The following CUL5 variants were observed in gnomAD, a reference collection of about 807,000 sequenced individuals.
The protein encoded by CUL5 is cullin 5, also known as cullin-5.
CUL5 carries 26 observed loss-of-function variants against 108.8 expected under a neutral mutation model. That is an observed-to-expected ratio of 0.24 (90% CI 0.18 to 0.33). CUL5 has a LOEUF of 0.33. CUL5 is among the 10% of genes least tolerant of loss of function. The probability of loss-of-function intolerance (pLI) is 1.00; values close to 1 mark genes in which losing one functional copy is unlikely to be tolerated. For missense variants in CUL5, 524 were observed against 909.2 expected (o/e 0.58, Z 5.45); for synonymous variants, 334 against 298.0 (o/e 1.12, Z -1.25).
intron 7 of CUL5, among the ~76,000 whole-genome samples, chr11:108,063,141 G>A (rs568386086): frequency 2.6e-4 from 40 of 152,080 alleles, no homozygotes; most frequent in African/African-American, 8.7e-4. Flanking sequence ...CACTGCACCC[G>A]ACTATTCATT....
intron 7 of CUL5, 30 bp from the exon 8 acceptor site, chr11:108,070,066 T>A (rs1863782722): frequency 2.1e-6 from 3 of 1,446,112 alleles, no homozygotes; most frequent in Admixed American, 1.7e-5. Flanking sequence ...CAGCTTATAG[T>A]AGCCTTGACT....
intron 11 of CUL5, among the ~76,000 whole-genome samples, chr11:108,080,681 A>G (rs944361496): frequency 1.3e-5 from 2 of 152,126 alleles, no homozygotes; most frequent in African/African-American, 4.8e-5. Flanking sequence ...GGCATGAGCC[A>G]CCATGCCTGG....
rs181414469 is a variant in CUL5 at position 108,055,559 on chromosome 11, C to T, written c.780+604C>T. ...TCCTGGGCATAAGGGCCCCTCCTGC[C>T]TCAGCCTCCTAAGTAGCTGGGACTA... On this transcript the variant is annotated intron_variant, in intron 7 of 18. Transcript: ENST00000393094. 6.6e-5 allele frequency among the ~76,000 whole-genome samples: 10 copies of T among 152,124 alleles called. No homozygotes were observed. In the East Asian group the frequency reaches 1.9e-3, roughly 29 times the overall value.
At chr11:108,015,826 C>G (rs959619009) in intron 1 of CUL5, among the ~76,000 whole-genome samples, 2 of 152,154 alleles carry the variant, frequency 1.3e-5, no homozygotes, top group African/African-American at 2.4e-5. Context: ...AAATTTTGAT[C>G]AGTCATTTTT....
At position 108,095,543 on chromosome 11, in the gene CUL5, A is replaced by G; in HGVS notation, c.1757A>G (p.Asn586Ser). ...TATCTATTATAGATAACATTTAAGA[A>G]TGAAGTTGGTCAATATGATTTGGAG... ...LMSNGIITFK[N>S]EVGQYDLEVT... Residue 586 changes from asparagine to serine, a missense_variant, in exon 16 of 19, where the codon AAT (asparagine) becomes AGT (serine). This residue lies in a region of CUL5 where 64 missense variants were observed against 152.0 expected (regional missense o/e 0.42). Coordinates refer to ENST00000393094, the MANE Select transcript of CUL5 (RefSeq NM_003478.6). 2.5e-6 allele frequency: 4 copies of G among 1,605,496 alleles called. No homozygotes were observed. The highest frequency in any genetic ancestry group is 3.4e-6 in the Non-Finnish European group (4 of 1,174,108).
chr11:108,090,216 C>T (rs1365086684), intron 13 of CUL5, among the ~76,000 whole-genome samples: 2 of 152,100 alleles, frequency 1.3e-5, no homozygotes, highest in South Asian at 2.1e-4. Context: ...GGGCTGGGCA[C>T]GGTGGCTCAC....
At chr11:108,058,653 A>G (rs1863461073) in intron 7 of CUL5, among the ~76,000 whole-genome samples, 2 of 152,004 alleles carry the variant, frequency 1.3e-5, no homozygotes, top group African/African-American at 4.8e-5. Flanking sequence ...TATGGTCAGA[A>G]AAGATCTCTG....
chr11:108,038,465 A>T (rs1249329445), intron 2 of CUL5, among the ~76,000 whole-genome samples: 1 of 152,090 alleles, frequency 6.6e-6, no homozygotes, highest in Non-Finnish European at 1.5e-5. Context: ...AGGTGGGTGG[A>T]TTACCTGAGG....
intron 7 of CUL5, among the ~76,000 whole-genome samples, chr11:108,062,829 C>CTGTTTT (rs912084263): frequency 2.6e-5 from 4 of 151,888 alleles, no homozygotes; most frequent in South Asian, 2.1e-4. Flanking sequence ...TTTATTCATT[C>CTGTTTT]TGTTTTTGTT....
chr11:108,052,404 G>A (rs890791526), intron 4 of CUL5, among the ~76,000 whole-genome samples: 8 of 152,030 alleles, frequency 5.3e-5, no homozygotes, highest in East Asian at 1.9e-4. Context: ...GACTACAGGC[G>A]TGCACCACCA....
chr11:108,085,275 C>G (rs972921006), intron 11 of CUL5, among the ~76,000 whole-genome samples: 2 of 152,112 alleles, frequency 1.3e-5, no homozygotes, highest in African/African-American at 4.8e-5. Context: ...CTGCTATATG[C>G]TACAAGGTAG....
intron 7 of CUL5, among the ~76,000 whole-genome samples, chr11:108,069,819 A>G (rs72998495): frequency 0.025 from 3,824 of 152,318 alleles, 61 homozygotes; most frequent in Non-Finnish European, 0.038. Flanking sequence ...GAGTTAATCA[A>G]AGTTTGGTTT....
chr11:108,092,419 TTAC>T (rs1864383446), intron 13 of CUL5, among the ~76,000 whole-genome samples: 1 of 152,172 alleles, frequency 6.6e-6, no homozygotes, highest in Non-Finnish European at 1.5e-5. Flanking sequence ...CATGGCAAGA[TTAC>T]TAATAATAGT....
At chr11:108,078,347 A>T (rs1400756653) in intron 11 of CUL5, 107 bp downstream of exon 11, 6 of 519,782 alleles carry the variant, frequency 1.2e-5, no homozygotes, top group Non-Finnish European at 1.7e-5. Context: ...TGTTATTGTT[A>T]GTTTTGTGAC....
chr11:108,009,071 C>T lies in CUL5; in HGVS notation c.-278C>T, dbSNP rs1591264930. ...TCCTCTTCCAAGTCAGGTCGGCTCCCGTTACCTTCTCAGCATTCGCCGTTC... is the reference window on the plus strand; with the variant it reads ...TCCTCTTCCAAGTCAGGTCGGCTCCTGTTACCTTCTCAGCATTCGCCGTTC... On this transcript the variant is annotated 5_prime_UTR_variant, in exon 1 of 19. Transcript: ENST00000393094. 2 of 525,138 alleles carry T rather than the reference C, an allele frequency of 3.8e-6. No homozygotes were observed. The highest frequency in any genetic ancestry group is 6.9e-5 in the Admixed American group (2 of 28,980). The allele number at this position is 525,138 out of a possible 1,614,324, so 32.5% of individuals were successfully genotyped here.
intron 1 of CUL5, among the ~76,000 whole-genome samples, chr11:108,025,749 G>A (rs555528761): frequency 1.3e-5 from 2 of 152,110 alleles, no homozygotes; most frequent in East Asian, 3.9e-4. Flanking sequence ...CAGGCCTCAG[G>A]GACCTTCTGT....
At chr11:108,059,820 G>A (rs978865620) in intron 7 of CUL5, among the ~76,000 whole-genome samples, 1 of 151,846 alleles carries the variant, frequency 6.6e-6, no homozygotes, top group African/African-American at 2.4e-5. Context: ...GGAGGCGGAG[G>A]TTGCAGTAAG....
At chr11:108,060,787 G>A (rs550494596) in intron 7 of CUL5, among the ~76,000 whole-genome samples, 9 of 151,808 alleles carry the variant, frequency 5.9e-5, no homozygotes, top group South Asian at 2.1e-4. Flanking sequence ...CAGTGAGATC[G>A]CGCCATTGCA....
At chr11:108,010,534 A>G (rs1862036352) in intron 1 of CUL5, among the ~76,000 whole-genome samples, 1 of 152,212 alleles carries the variant, frequency 6.6e-6, no homozygotes, top group Non-Finnish European at 1.5e-5. Flanking sequence ...CCACCACTTA[A>G]AAGCTGTATG....
Sources: allele counts gnomAD v4.1 joint callset (sites outside exome capture counted in the v4.1 genomes callset), GRCh38; gene constraint gnomAD v4.1.1; regional missense constraint gnomAD v4.1.1; transcripts MANE v1.5; gene names NCBI Gene and HGNC (gene_info 2026-07-23, HGNC 2026-07-21).